Variants in TNKS observed in about 807,000 individuals in gnomAD.
TNKS encodes poly [ADP-ribose] polymerase tankyrase-1.
In TNKS, 72 loss-of-function variants were observed where a neutral mutation model predicts 135.8. That is an observed-to-expected ratio of 0.53 (90% CI 0.44 to 0.64). The LOEUF (loss-of-function observed/expected upper bound fraction) is 0.64. Ranked by LOEUF, TNKS falls within the 30% of genes least tolerant of loss-of-function variation. The pLI is 0.00. For synonymous variants in TNKS, 849 were observed against 649.3 expected, an observed-to-expected ratio of 1.31 and a Z score of -4.68; for missense variants, 1,769 against 1,674.0, an observed-to-expected ratio of 1.06 and a Z score of -0.99.
chr8:9,561,951 G>A (rs1293568873), intron 1 of TNKS, among the ~76,000 whole-genome samples: 1 of 151,884 alleles, frequency 6.6e-6, no homozygotes, highest in Non-Finnish European at 1.5e-5. Context: ...TGAGTAGCTG[G>A]GATTACAGGC....
At chr8:9,575,490 G>C (rs1797912939) in intron 1 of TNKS, 1 of 927,902 alleles carries the variant, frequency 1.1e-6, no homozygotes. Flanking sequence ...GAAAAGATAA[G>C]GAAAAATAAA....
chr8:9,564,589 A>G lies in TNKS; in HGVS notation c.673+7977A>G, dbSNP rs374722945. 6.6e-5 allele frequency among the ~76,000 whole-genome samples: 10 copies of G among 152,206 alleles called. No homozygotes were observed. In the East Asian group the frequency reaches 1.3e-3, roughly 20 times the overall value. On this transcript the variant is annotated intron_variant, in intron 1 of 26. Transcript: ENST00000310430. ...TGTCATAGACAAAGAATCTTTGGGT[A>G]GCTTACTATAAAATATTGCAGTAGA...
rs181127529 is a variant in TNKS at position 9,720,232 on chromosome 8, G to A, written c.1750-142G>A. ...GAAGATAGTTCTTCAGAATCAGTGA[G>A]CAAAAGTTTATAATCAATATCTATG... On this transcript the variant is annotated intron_variant, in intron 11 of 26. Coordinates refer to ENST00000310430, the MANE Select transcript of TNKS (RefSeq NM_003747.3). 37 of 754,198 alleles carry A rather than the reference G, an allele frequency of 4.9e-5. No homozygotes were observed. In the Admixed American group the frequency reaches 1.3e-3, roughly 27 times the overall value. 46.7% of individuals were successfully genotyped at this position (754,198 alleles called of 1,614,324 possible).
At chr8:9,663,783 G>A (rs1391275131) in intron 3 of TNKS, among the ~76,000 whole-genome samples, 1 of 152,212 alleles carries the variant, frequency 6.6e-6, no homozygotes, top group Non-Finnish European at 1.5e-5. Flanking sequence ...ATGGCCAGAT[G>A]AGGAGGTACA....
chr8:9,748,000 T>G, intron 17 of TNKS, 24 bp from the exon 18 acceptor site: 1 of 1,589,308 alleles, frequency 6.3e-7, no homozygotes, highest in Admixed American at 1.7e-5. Flanking sequence ...TCTTAACTCT[T>G]TGTATCCTTT....
chr8:9,585,065 T>TA (rs528873072), intron 2 of TNKS, among the ~76,000 whole-genome samples: 37 of 145,946 alleles, frequency 2.5e-4, no homozygotes, highest in Non-Finnish European at 4.2e-4. Context: ...AATACCTGAA[T>TA]AAAAAAAAAA....
intron 11 of TNKS, 90 bp from the exon 12 acceptor site, chr8:9,720,284 A>AC (rs560170319): frequency 1.1e-5 from 13 of 1,154,922 alleles, no homozygotes; most frequent in Admixed American, 3.2e-5. Context: ...TTGAAAGTTG[A>AC]TTTTTTTTTC....
At chr8:9,584,190 C>A (rs934060159) in intron 2 of TNKS, among the ~76,000 whole-genome samples, 3 of 142,002 alleles carry the variant, frequency 2.1e-5, no homozygotes, top group Admixed American at 7.0e-5. Context: ...AAAAAAAAAT[C>A]TGGGAGTCAC....
chr8:9,702,309 GCA>G (rs750772294), intron 5 of TNKS, among the ~76,000 whole-genome samples: 17 of 149,914 alleles, frequency 1.1e-4, no homozygotes, highest in African/African-American at 3.0e-4. Context: ...GCGTGTGCGT[GCA>G]CACACACACA....
chr8:9,717,102 T>TATATATATA (rs60792807), intron 11 of TNKS, among the ~76,000 whole-genome samples: 34 of 122,778 alleles, frequency 2.8e-4, no homozygotes, highest in East Asian at 7.4e-4. Flanking sequence ...TATATATATA[T>TATATATATA]TTTCAGGGAA....
chr8:9,617,984 G>GTTTTT (rs33956228), intron 3 of TNKS, among the ~76,000 whole-genome samples: 1 of 94,002 alleles, frequency 1.1e-5, no homozygotes, highest in Non-Finnish European at 2.1e-5. Flanking sequence ...CTCTTTTTTG[G>GTTTTT]TTTTTTTTTT....
intron 6 of TNKS, among the ~76,000 whole-genome samples, chr8:9,705,383 A>T (rs946508559): frequency 6.6e-6 from 1 of 152,214 alleles, no homozygotes; most frequent in Non-Finnish European, 1.5e-5. Flanking sequence ...CCACTTTAAG[A>T]TCTGAAAGAT....
At chr8:9,644,790 G>T (rs944747706) in intron 3 of TNKS, among the ~76,000 whole-genome samples, 1 of 152,066 alleles carries the variant, frequency 6.6e-6, no homozygotes, top group South Asian at 2.1e-4. Context: ...CTATATGATG[G>T]TGCAAAAGTG....
intron 26 of TNKS, chr8:9,772,371 G>A (rs1807958601): frequency 2.2e-6 from 1 of 455,270 alleles, no homozygotes; most frequent in Non-Finnish European, 4.4e-6. Flanking sequence ...CTCTCTAGGT[G>A]GATACTCTAA....
intron 11 of TNKS, among the ~76,000 whole-genome samples, chr8:9,719,706 G>A (rs1028333219): frequency 2.0e-5 from 3 of 152,178 alleles, no homozygotes; most frequent in African/African-American, 7.2e-5. Context: ...GGATCTGCTG[G>A]AAGATAAGAT....
chr8:9,649,678 G>T (rs1287558780), intron 3 of TNKS, among the ~76,000 whole-genome samples: 2 of 149,938 alleles, frequency 1.3e-5, no homozygotes, highest in African/African-American at 4.9e-5. Context: ...TTATGCCTTT[G>T]CATCCATATA....
intron 14 of TNKS, among the ~76,000 whole-genome samples, chr8:9,732,552 AAC>A (rs1805496992): frequency 6.6e-6 from 1 of 151,920 alleles, no homozygotes; most frequent in Non-Finnish European, 1.5e-5. Context: ...TGCTCATTTT[AAC>A]AGTTAGCATA....
At chr8:9,659,753 G>T (rs1408834610) in intron 3 of TNKS, among the ~76,000 whole-genome samples, 5 of 152,256 alleles carry the variant, frequency 3.3e-5, no homozygotes, top group African/African-American at 1.2e-4. Context: ...AACTGAAGGA[G>T]ATAGAGACAC....
chr8:9,679,321 T>G (rs1025015978), intron 3 of TNKS, among the ~76,000 whole-genome samples: 2 of 152,184 alleles, frequency 1.3e-5, no homozygotes, highest in African/African-American at 4.8e-5. Context: ...GTATTCACTG[T>G]TTTGGTTTTT....
Sources: gnomAD v4.1 joint callset for allele counts (sites outside exome capture counted in the v4.1 genomes callset) on GRCh38, gnomAD v4.1.1 for gene constraint, MANE v1.5 for transcripts, NCBI Gene and HGNC (gene_info 2026-07-23, HGNC 2026-07-21) for gene names.